Variants in SCN2A observed in about 807,000 individuals in gnomAD.
SCN2A encodes the protein sodium voltage-gated channel alpha subunit 2.
SCN2A carries 20 observed loss-of-function variants against 188.7 expected under a neutral mutation model. The observed-to-expected ratio is 0.11, with a 90% CI of 0.07 to 0.15. The LOEUF (loss-of-function observed/expected upper bound fraction) is 0.15, where lower values mean the gene tolerates loss of function less well. SCN2A is among the 10% of genes least tolerant of loss of function. The probability of loss-of-function intolerance (pLI) is 1.00; values close to 1 mark genes in which losing one functional copy is unlikely to be tolerated. For missense variants in SCN2A, 1,278 were observed against 2,445.0 expected, an observed-to-expected ratio of 0.52 and a Z score of 10.07; for synonymous variants, 804 against 833.1, an observed-to-expected ratio of 0.97 and a Z score of 0.60.
intron 1 of SCN2A, among the ~76,000 whole-genome samples, chr2:165,281,664 C>T (rs1429783967): frequency 3.9e-5 from 6 of 152,094 alleles, no homozygotes; most frequent in Admixed American, 1.3e-4. Flanking sequence ...AATAGTGACT[C>T]GACTGTTTTT....
At chr2:165,367,109 T>C (rs1700769693) in intron 18 of SCN2A, 108 bp from the exon 19 acceptor site, 1 of 1,057,292 alleles carries the variant, frequency 9.5e-7, no homozygotes, top group East Asian at 2.6e-5. Context: ...AAATTAATGT[T>C]ATTTACAATG....
intron 1 of SCN2A, chr2:165,294,143 T>C: frequency 1.0e-6 from 1 of 966,714 alleles, no homozygotes; most frequent in Middle Eastern, 5.3e-4. Context: ...GGGGTAATGT[T>C]TTATTATTCT....
chr2:165,243,222 GC>G (rs1466848933), intron 1 of SCN2A, among the ~76,000 whole-genome samples: 1 of 152,106 alleles, frequency 6.6e-6, no homozygotes, highest in Non-Finnish European at 1.5e-5. Flanking sequence ...GGGCTGGTTT[GC>G]CAGTATCTAA....
intron 1 of SCN2A, among the ~76,000 whole-genome samples, chr2:165,243,377 C>T (rs370167629): frequency 2.5e-4 from 38 of 152,030 alleles, no homozygotes; most frequent in South Asian, 4.2e-4. Flanking sequence ...CCGAGGTGGG[C>T]GGATTGCCTG....
In SCN2A at chr2:165,389,715, C is replaced by T; in HGVS notation, c.5909C>T (p.Thr1970Met). 1 of 1,613,862 alleles carries T rather than the reference C, an allele frequency of 6.2e-7. No homozygotes were observed. ...AAAACCGATATGACGCCTTCCACCA[C>T]GTCTCCACCCTCGTATGATAGTGTG... ...PEKTDMTPSTTSPPSYDSVTK... is the reference protein window; with the variant it reads ...PEKTDMTPSTMSPPSYDSVTK... Residue 1970 changes from threonine (T) to methionine (M), a missense_variant, in exon 27 of 27, where the codon ACG becomes ATG. This residue lies in a region of SCN2A where 109 missense variants were observed against 137.9 expected (regional missense o/e 0.79). Coordinates refer to ENST00000375437, the MANE Select transcript of SCN2A (RefSeq NM_001040142.2). The surrounding 1 kb of genome is among the most constrained non-coding windows in gnomAD (Gnocchi z 4.2).
At chr2:165,350,547 A>T (rs1341908522) in intron 16 of SCN2A, among the ~76,000 whole-genome samples, 2 of 129,330 alleles carry the variant, frequency 1.5e-5, no homozygotes, top group African/African-American at 3.0e-5. Context: ...ATCTCGGCTC[A>T]CTGCAAGCTC....
Position 165,314,160 on chromosome 2 carries a change from A to T in SCN2A, c.1383+52A>T, listed in dbSNP as rs1697599372. On this transcript the variant is annotated intron_variant, in intron 10 of 26. Transcript: ENST00000375437. Reference sequence around the variant, plus strand: ...TGTTTTTCTTTATCTAAATTCTTTAACCTAAATGTTGAGGTCAGTGGCAAG... The same window carrying T: ...TGTTTTTCTTTATCTAAATTCTTTATCCTAAATGTTGAGGTCAGTGGCAAG... 3 of 1,569,024 alleles carry T rather than the reference A, an allele frequency of 1.9e-6. No homozygotes were observed. The East Asian group carries it at 6.9e-5, about 36-fold the overall frequency.
chr2:165,258,786 A>G (rs571367828), intron 1 of SCN2A, among the ~76,000 whole-genome samples: 1 of 152,338 alleles, frequency 6.6e-6, no homozygotes, highest in South Asian at 2.1e-4. Context: ...CTCTGCAGGG[A>G]CATGGATGGA....
intron 1 of SCN2A, among the ~76,000 whole-genome samples, chr2:165,261,189 A>T (rs1474637669): frequency 6.6e-6 from 1 of 152,204 alleles, no homozygotes; most frequent in Non-Finnish European, 1.5e-5. Context: ...TTTTTGATCC[A>T]TGGTTGGTTA....
intron 17 of SCN2A, among the ~76,000 whole-genome samples, chr2:165,359,684 G>C (rs1397993327): frequency 1.3e-5 from 2 of 152,072 alleles, no homozygotes; most frequent in Admixed American, 6.6e-5. Context: ...ACAGACACCT[G>C]TCTATGACTT....
chr2:165,325,654 C>G (rs1698316921), intron 12 of SCN2A, among the ~76,000 whole-genome samples: 1 of 151,918 alleles, frequency 6.6e-6, no homozygotes, highest in Non-Finnish European at 1.5e-5. Flanking sequence ...AACTTTGCCT[C>G]TTTCTGACAA....
chr2:165,267,278 T>G (rs1694910469), intron 1 of SCN2A: 2 of 152,006 alleles, frequency 1.3e-5, no homozygotes, highest in South Asian at 4.1e-4. Flanking sequence ...TCAAAACAGC[T>G]TGGTACTGGC....
At chr2:165,295,655 G>A in intron 1 of SCN2A, 118 bp from the exon 2 acceptor site, 1 of 939,640 alleles carries the variant, frequency 1.1e-6, no homozygotes, top group Non-Finnish European at 1.6e-6. Context: ...AGCTTTCTTT[G>A]AAAATATTAT....
At chr2:165,322,126 T>C (rs1698105120) in intron 11 of SCN2A, among the ~76,000 whole-genome samples, 1 of 152,196 alleles carries the variant, frequency 6.6e-6, no homozygotes. Context: ...TCCTCCCACA[T>C]GGTGGCAAGA....
chr2:165,383,130 C>T (rs902935587), intron 25 of SCN2A, among the ~76,000 whole-genome samples: 3 of 151,868 alleles, frequency 2.0e-5, no homozygotes, highest in South Asian at 2.1e-4. Flanking sequence ...ACTTAAATAT[C>T]GAACAGTATG....
rs760162658 is a variant in SCN2A at position 165,297,001 on chromosome 2, G to A, written c.268-16G>A. On this transcript the variant is annotated splice_polypyrimidine_tract_variant and intron_variant, in intron 2 of 26. Transcript: ENST00000375437. ...TATTCTAAGTTTTATTTTATGTGTT[G>A]TGTTTTCTTTTTCAGACGTTTATAG... 7.6e-6 allele frequency: 10 copies of A among 1,320,454 alleles called. No homozygotes were observed. The highest frequency in any genetic ancestry group is 1.1e-5 in the Non-Finnish European group (10 of 918,822). 81.8% of individuals were successfully genotyped at this position (1,320,454 alleles called of 1,614,324 possible).
intron 1 of SCN2A, chr2:165,272,624 G>A: frequency 6.6e-6 from 1 of 152,110 alleles, no homozygotes; most frequent in East Asian, 1.9e-4. Flanking sequence ...TAAAATTAGT[G>A]ACACTTCATT....
intron 25 of SCN2A, among the ~76,000 whole-genome samples, chr2:165,382,505 AT>A: frequency 6.6e-6 from 1 of 152,220 alleles, no homozygotes; most frequent in South Asian, 2.1e-4. Flanking sequence ...AGAAGACTCA[AT>A]TGGGATGAAA....
chr2:165,243,413 G>A (rs1574422959), intron 1 of SCN2A, among the ~76,000 whole-genome samples: 2 of 152,082 alleles, frequency 1.3e-5, no homozygotes, highest in South Asian at 4.2e-4. Context: ...GACCAGCCTG[G>A]ACAACATGCT....
Sources: gnomAD v4.1 joint callset for allele counts (sites outside exome capture counted in the v4.1 genomes callset) on GRCh38, gnomAD v4.1.1 for gene constraint, gnomAD v4.1.1 regional missense constraint, Gnocchi (gnomAD v3.1) non-coding constraint, MANE v1.5 for transcripts, NCBI Gene and HGNC (gene_info 2026-07-23, HGNC 2026-07-21) for gene names.